Variants in ACTR3C observed in about 807,000 individuals in gnomAD.
The protein encoded by ACTR3C is actin-related protein 3C.
A neutral mutation model predicts 26.3 loss-of-function variants in ACTR3C; 18 were observed. The observed-to-expected ratio is 0.68, with a 90% confidence interval of 0.47 to 1.01. The LOEUF is 1.01. ACTR3C is among the 50% of genes least tolerant of loss of function. The pLI, the probability that ACTR3C is intolerant of heterozygous loss-of-function variation, is 0.00. For missense variants in ACTR3C, 184 were observed against 250.7 expected, an observed-to-expected ratio of 0.73 and a Z score of 1.80; for synonymous variants, 55 against 94.5, an observed-to-expected ratio of 0.58 and a Z score of 2.42.
At chr7:150,056,980 T>C in the ACTR3C span, among the ~76,000 whole-genome samples, 1 of 143,226 alleles carries the variant, frequency 7.0e-6, no homozygotes, top group Non-Finnish European at 1.5e-5. Context: ...GGCTCTGATA[T>C]CATCCACAAC....
At chr7:150,072,994 G>C in the ACTR3C span, among the ~76,000 whole-genome samples, 2 of 152,240 alleles carry the variant, frequency 1.3e-5, no homozygotes, top group African/African-American at 4.8e-5. Flanking sequence ...AAACCACAGC[G>C]GAGGAAAAGA....
At chr7:150,041,820 A>C in the ACTR3C span, among the ~76,000 whole-genome samples, 292 of 101,832 alleles carry the variant, frequency 2.9e-3, no homozygotes, top group African/African-American at 0.011. Flanking sequence ...CGATGGGGGT[A>C]CTAAGAGCCA....
the ACTR3C span, among the ~76,000 whole-genome samples, chr7:150,139,648 G>T: frequency 6.6e-6 from 1 of 152,384 alleles, no homozygotes; most frequent in East Asian, 1.9e-4. Flanking sequence ...ATAAAAGAAG[G>T]TGTTAGGGAT....
At chr7:150,323,106 T>C (rs1237524450) in intron 1 of ACTR3C, 1 of 169,518 alleles carries the variant, frequency 5.9e-6, no homozygotes, top group Non-Finnish European at 1.3e-5. Context: ...TGGAGGTCCT[T>C]TCTCTAAGGC....
the ACTR3C span, among the ~76,000 whole-genome samples, chr7:150,094,097 G>A: frequency 1.3e-5 from 2 of 150,484 alleles, no homozygotes; most frequent in African/African-American, 2.5e-5. Flanking sequence ...CGGGCCACGT[G>A]GCCTCAGAGC....
the ACTR3C span, among the ~76,000 whole-genome samples, chr7:150,007,504 GATA>G: frequency 6.6e-6 from 1 of 152,232 alleles, no homozygotes; most frequent in Non-Finnish European, 1.5e-5. Context: ...ATCTGCTACT[GATA>G]ATGATTAAAG....
At chr7:149,997,284 G>A in the ACTR3C span, among the ~76,000 whole-genome samples, 6 of 152,148 alleles carry the variant, frequency 3.9e-5, no homozygotes, top group Admixed American at 1.3e-4. Context: ...ACTTTGCAAC[G>A]TGACCTCTTG....
downstream of ACTR3C, chr7:150,247,132 A>C: frequency 6.6e-6 from 1 of 152,170 alleles, no homozygotes. Flanking sequence ...GGTTGTCATT[A>C]AGTTTTAAAA....
At chr7:150,159,819 G>A in the ACTR3C span, among the ~76,000 whole-genome samples, 385 of 151,946 alleles carry the variant, frequency 2.5e-3, 1 homozygote, top group Non-Finnish European at 4.2e-3. Context: ...TGTTTTTTGA[G>A]ATGGAGTCTC....
chr7:150,198,716 G>A, the ACTR3C span, among the ~76,000 whole-genome samples: 6 of 140,210 alleles, frequency 4.3e-5, no homozygotes, highest in East Asian at 2.1e-4. Context: ...AGTGAGGAGC[G>A]TCTCCGCCCG....
chr7:150,192,741 C>T, the ACTR3C span, among the ~76,000 whole-genome samples: 2 of 152,204 alleles, frequency 1.3e-5, no homozygotes, highest in Admixed American at 1.3e-4. Flanking sequence ...TTCCAAATTA[C>T]CCACGTGGTG....
the ACTR3C span, among the ~76,000 whole-genome samples, chr7:150,034,476 C>T: frequency 6.6e-6 from 1 of 151,360 alleles, no homozygotes; most frequent in Admixed American, 6.6e-5. Flanking sequence ...TTCCATGTCC[C>T]CGCCCCCTTT....
At chr7:150,280,280 C>G (rs928230674) in intron 6 of ACTR3C, among the ~76,000 whole-genome samples, 8 of 152,166 alleles carry the variant, frequency 5.3e-5, no homozygotes, top group Non-Finnish European at 1.0e-4. Context: ...TGATTTTCAC[C>G]TGCTCTCACA....
At chr7:150,115,921 A>T in the ACTR3C span, among the ~76,000 whole-genome samples, 10 of 152,222 alleles carry the variant, frequency 6.6e-5, no homozygotes, top group African/African-American at 2.4e-4. Context: ...CCTCCTAGAC[A>T]CTGGAACAAA....
the ACTR3C span, among the ~76,000 whole-genome samples, chr7:150,072,783 T>C: frequency 1.3e-5 from 2 of 152,032 alleles, no homozygotes; most frequent in Non-Finnish European, 2.9e-5. Flanking sequence ...ATGCTGTCAG[T>C]ATGATAGGTG....
the ACTR3C span, among the ~76,000 whole-genome samples, chr7:150,003,506 ATGCGG>A: frequency 6.7e-6 from 1 of 150,302 alleles, no homozygotes; most frequent in African/African-American, 2.5e-5. Context: ...GATGTGTGGC[ATGCGG>A]TGTGGTATGT....
chr7:150,256,768 A>G (rs1188843152), intron 6 of ACTR3C, among the ~76,000 whole-genome samples: 1 of 108,224 alleles, frequency 9.2e-6, no homozygotes, highest in Admixed American at 8.1e-5. Flanking sequence ...GAAAGTTGTA[A>G]AAAAAAAAAT....
chr7:149,959,851 C>G, the ACTR3C span, among the ~76,000 whole-genome samples: 1 of 152,172 alleles, frequency 6.6e-6, no homozygotes, highest in Non-Finnish European at 1.5e-5. Context: ...CAGGTCATGG[C>G]AGTGTGTTGA....
the ACTR3C span, among the ~76,000 whole-genome samples, chr7:150,184,473 A>G: frequency 1.3e-5 from 2 of 150,670 alleles, no homozygotes; most frequent in African/African-American, 5.0e-5. Flanking sequence ...AAGACTAGTA[A>G]CAACACAGAG....
Sources: gnomAD v4.1 joint callset for allele counts (sites outside exome capture counted in the v4.1 genomes callset) on GRCh38, gnomAD v4.1.1 for gene constraint, MANE v1.5 for transcripts, NCBI Gene and HGNC (gene_info 2026-07-23, HGNC 2026-07-21) for gene names.